Variants in DNER observed in about 807,000 individuals in gnomAD.
The protein encoded by DNER is delta/notch like EGF repeat containing.
Under a neutral mutation model 78.2 loss-of-function variants are expected in DNER, and 33 were observed. The observed-to-expected ratio is 0.42, with a 90% CI of 0.32 to 0.56. The LOEUF (loss-of-function observed/expected upper bound fraction) is 0.56. Ranked by LOEUF, DNER falls within the 20% of genes least tolerant of loss-of-function variation. The probability of loss-of-function intolerance (pLI) is 0.11; values close to 1 mark genes in which losing one functional copy is unlikely to be tolerated. For missense variants in DNER, 918 were observed against 975.3 expected (o/e 0.94, Z 0.78); for synonymous variants, 417 against 384.8 (o/e 1.08, Z -0.98).
rs149002165 is a variant in DNER, at chr2:229,675,404, G to A, written c.276+38744C>T. ...CACTGTCAGTTCTGATCCTGGGCTT[G>A]CATTTATTTTGATTCAGTTCAAAGA... On this transcript the variant is annotated intron_variant, in intron 1 of 12. Transcript: ENST00000341772. Among the ~76,000 whole-genome samples the A allele has an allele frequency of 9.8e-3, 1,490 of 152,264 alleles. 6 individuals carry two copies. The highest frequency in any genetic ancestry group is 0.015 in the Non-Finnish European group (1,046 of 68,006).
At chr2:229,672,809 A>G (rs1457582043) in intron 1 of DNER, among the ~76,000 whole-genome samples, 2 of 152,116 alleles carry the variant, frequency 1.3e-5, no homozygotes, top group Non-Finnish European at 2.9e-5. Flanking sequence ...TGTTTAAGGG[A>G]AGAGGAAATA....
intron 1 of DNER, among the ~76,000 whole-genome samples, chr2:229,664,341 G>T (rs1191731083): frequency 6.6e-6 from 1 of 152,022 alleles, no homozygotes; most frequent in African/African-American, 2.4e-5. Context: ...ACCATCCAGG[G>T]CATCAAGAAT....
chr2:229,535,409 G>A (rs1460010800), intron 5 of DNER, among the ~76,000 whole-genome samples: 1 of 152,178 alleles, frequency 6.6e-6, no homozygotes, highest in Non-Finnish European at 1.5e-5. Context: ...TCCAGTGAGG[G>A]CGGTAATGTT....
chr2:229,453,828 C>T (rs1187092271), intron 7 of DNER, among the ~76,000 whole-genome samples: 1 of 146,108 alleles, frequency 6.8e-6, no homozygotes, highest in Non-Finnish European at 1.5e-5. Context: ...GATAAATGGA[C>T]AGACAGGCAG....
chr2:229,656,484 G>A (rs866600119), intron 1 of DNER, among the ~76,000 whole-genome samples: 24 of 152,244 alleles, frequency 1.6e-4, no homozygotes, highest in Middle Eastern at 3.4e-3. Flanking sequence ...ACCACTAAGC[G>A]TGGGCTGAGC....
chr2:229,421,542 A>C (rs901725995), intron 8 of DNER, among the ~76,000 whole-genome samples: 1 of 150,206 alleles, frequency 6.7e-6, no homozygotes, highest in Non-Finnish European at 1.5e-5. Context: ...ATATCTCTAT[A>C]TCTATATTTT....
chr2:229,509,598 G>A (rs1414209423), intron 6 of DNER, among the ~76,000 whole-genome samples: 2 of 151,706 alleles, frequency 1.3e-5, no homozygotes, highest in African/African-American at 2.4e-5. Flanking sequence ...TAGATCTCCT[G>A]AGGTCAGGAG....
intron 5 of DNER, among the ~76,000 whole-genome samples, chr2:229,540,859 A>T (rs1328495485): frequency 1.3e-5 from 2 of 152,196 alleles, no homozygotes; most frequent in Admixed American, 6.5e-5. Context: ...TCCGATCCTA[A>T]TAGATTAAGG....
In DNER at chr2:229,710,983, G is replaced by GCACACACACA. The variant is rs34720917; in HGVS notation, c.276+3155_276+3164dup. 5.8e-4 allele frequency among the ~76,000 whole-genome samples: 81 copies of GCACACACACA among 139,808 alleles called. 1 individual carries two copies. Among genetic ancestry groups the GCACACACACA allele is most frequent in the African/African-American group, 1.7e-3 (64 of 36,954 alleles). The allele number at this position is 139,808 out of a possible 152,430, so 91.7% of individuals were successfully genotyped here. On this transcript the variant is annotated intron_variant, in intron 1 of 12. Transcript: ENST00000341772. Reference sequence around the variant, plus strand: ...GACTGAAAATGGCATGCATACACGCGCACACACACACACACACACACACAC... The same window carrying GCACACACACA: ...GACTGAAAATGGCATGCATACACGCGCACACACACACACACACACACACACACACACACAC...
At chr2:229,700,550 G>A (rs1699730183) in intron 1 of DNER, among the ~76,000 whole-genome samples, 1 of 151,862 alleles carries the variant, frequency 6.6e-6, no homozygotes, top group South Asian at 2.1e-4. Flanking sequence ...CTTTAGTAAG[G>A]ACTGAATATG....
At chr2:229,512,591 T>C (rs1282615137) in intron 6 of DNER, among the ~76,000 whole-genome samples, 192 bp downstream of exon 6, 1 of 152,048 alleles carries the variant, frequency 6.6e-6, no homozygotes, top group Non-Finnish European at 1.5e-5. Context: ...GGATGAGGAA[T>C]AAAGATCACA....
At chr2:229,700,284 A>ATGTGTGTGTG (rs74181354) in intron 1 of DNER, among the ~76,000 whole-genome samples, 175 of 36,570 alleles carry the variant, frequency 4.8e-3, no homozygotes, top group African/African-American at 0.011. Context: ...ATGTCAATAT[A>ATGTGTGTGTG]TGTGTGTGTG....
intron 8 of DNER, among the ~76,000 whole-genome samples, chr2:229,433,812 T>C (rs1016303620): frequency 6.6e-6 from 1 of 152,222 alleles, no homozygotes; most frequent in Non-Finnish European, 1.5e-5. Flanking sequence ...GTGTTTCAAA[T>C]TGACTATCAT....
chr2:229,513,900 T>C (rs1274571333), intron 5 of DNER, among the ~76,000 whole-genome samples: 1 of 151,620 alleles, frequency 6.6e-6, no homozygotes, highest in Non-Finnish European at 1.5e-5. Context: ...TCCCTCTCCC[T>C]GTCCTCAGCC....
At chr2:229,386,238 TA>T (rs1692861879) in intron 11 of DNER, among the ~76,000 whole-genome samples, 1 of 152,172 alleles carries the variant, frequency 6.6e-6, no homozygotes, top group African/African-American at 2.4e-5. Flanking sequence ...CCCTATTTAA[TA>T]AATGGTGTTG....
chr2:229,425,149 G>A lies in DNER; in HGVS notation c.1487-6919C>T, dbSNP rs1693845346. Among the ~76,000 whole-genome samples, 2 of 152,146 alleles carry A rather than the reference G, an allele frequency of 1.3e-5. 1 individual carries two copies. The highest frequency in any genetic ancestry group is 4.1e-4 in the South Asian group (2 of 4,826). ...GGTTTGACATAACACAGTCCATGGG[G>A]TGACTCTCTCCTGTACTGCTATCCC... On this transcript the variant is annotated intron_variant, in intron 8 of 12. Coordinates refer to ENST00000341772, the MANE Select transcript of DNER (RefSeq NM_139072.4).
At chr2:229,510,470 G>A (rs1695843629) in intron 6 of DNER, among the ~76,000 whole-genome samples, 1 of 152,216 alleles carries the variant, frequency 6.6e-6, no homozygotes, top group African/African-American at 2.4e-5. Context: ...CAGGCAAGGG[G>A]CAAAGGCCAC....
intron 1 of DNER, among the ~76,000 whole-genome samples, chr2:229,677,383 C>A (rs764338601): frequency 1.3e-5 from 2 of 152,166 alleles, no homozygotes; most frequent in East Asian, 1.9e-4. Context: ...GATGGGGATG[C>A]CAATTCAAGC....
chr2:229,692,363 C>G (rs1024160569), intron 1 of DNER, among the ~76,000 whole-genome samples: 11 of 152,122 alleles, frequency 7.2e-5, no homozygotes, highest in Non-Finnish European at 1.5e-4. Flanking sequence ...TAATAAAAAC[C>G]CAAACACATC....
Sources: gnomAD v4.1 joint callset for allele counts (sites outside exome capture counted in the v4.1 genomes callset) on GRCh38, gnomAD v4.1.1 for gene constraint, MANE v1.5 for transcripts, NCBI Gene and HGNC (gene_info 2026-07-23, HGNC 2026-07-21) for gene names.